The following CCSER2 variants were observed in gnomAD, a reference collection of about 807,000 sequenced individuals.
CCSER2 encodes serine-rich coiled-coil domain-containing protein 2.
Under a neutral mutation model 92.3 loss-of-function variants are expected in CCSER2, and 46 were observed. That is an observed-to-expected ratio of 0.50 (90% confidence interval 0.39 to 0.64). CCSER2 has a LOEUF of 0.64. Among genes scored for constraint, CCSER2 ranks in the 30% least tolerant of loss-of-function variants. The pLI is 0.00. For synonymous variants in CCSER2, 433 were observed against 431.4 expected, an observed-to-expected ratio of 1.00 and a Z score of -0.04; for missense variants, 1,244 against 1,238.9, an observed-to-expected ratio of 1.00 and a Z score of -0.06.
chr10:84,468,132 C>T (rs1387115880), intron 7 of CCSER2, among the ~76,000 whole-genome samples: 2 of 152,170 alleles, frequency 1.3e-5, no homozygotes, highest in Non-Finnish European at 2.9e-5. Flanking sequence ...AACAGCGACA[C>T]TGCTTATACT....
chr10:84,428,581 C>T lies in CCSER2; in HGVS notation c.1868+2688C>T, dbSNP rs888559063. ...GCAAATAGTTTTTACCTTTTCCTTT[C>T]CATTTTGGATAAAAATGTCTTTTTA... On this transcript the variant is annotated intron_variant, in intron 5 of 9. Coordinates refer to ENST00000372088, the MANE Select transcript of CCSER2 (RefSeq NM_001284240.2). Among the ~76,000 whole-genome samples, 3 of 152,110 alleles carry T rather than the reference C, an allele frequency of 2.0e-5. No homozygotes were observed. In the South Asian group the frequency reaches 6.2e-4, roughly 31 times the overall value.
At chr10:84,429,270 C>T (rs1445526076) in intron 5 of CCSER2, among the ~76,000 whole-genome samples, 3 of 151,912 alleles carry the variant, frequency 2.0e-5, no homozygotes, top group Non-Finnish European at 4.4e-5. Flanking sequence ...TATAGATATT[C>T]TGTAGATGTC....
intron 5 of CCSER2, among the ~76,000 whole-genome samples, chr10:84,435,638 C>CAAAAAAAAAA (rs5786657): frequency 9.4e-6 from 1 of 106,838 alleles, no homozygotes; most frequent in Non-Finnish European, 1.9e-5. Flanking sequence ...CCATTCAGTG[C>CAAAAAAAAAA]AAAAAAAAAA....
At chr10:84,406,591 G>T (rs919193035) in intron 3 of CCSER2, among the ~76,000 whole-genome samples, 3 of 152,116 alleles carry the variant, frequency 2.0e-5, no homozygotes, top group African/African-American at 7.2e-5. Context: ...TTTAATTCCA[G>T]TCAGTCTTAC....
At chr10:84,443,763 C>T (rs1844731928) in intron 6 of CCSER2, among the ~76,000 whole-genome samples, 1 of 152,092 alleles carries the variant, frequency 6.6e-6, no homozygotes, top group Non-Finnish European at 1.5e-5. Context: ...CAATGATAGA[C>T]TGGATAAAGA....
In CCSER2 at chr10:84,514,041, A is replaced by G; in HGVS notation, c.2918A>G (p.Asn973Ser). The G allele has an allele frequency of 6.5e-7, 1 of 1,536,586 alleles. No individual in the cohort carries two copies. Among genetic ancestry groups the G allele is most frequent in the Non-Finnish European group, 8.7e-7 (1 of 1,147,020 alleles). Reference protein sequence around the residue: ...PTSSQTNLANNQNLKASKLRP... With the variant: ...PTSSQTNLANSQNLKASKLRP... The stretch of plus-strand genomic sequence containing the variant: ...TCTAGTCAAACAAATCTTGCAAATA[A>G]TCAGAATCTGAAAGCATCTAAGCTC... Residue 973 changes from asparagine (N) to serine (S), a missense_variant, in exon 10 of 10, where the codon AAT becomes AGT. Physicochemically the swap from Asn to Ser is conservative, Grantham distance 46. Coordinates refer to ENST00000372088, the MANE Select transcript of CCSER2 (RefSeq NM_001284240.2).
At chr10:84,329,707 C>T (rs906765605) in intron 1 of CCSER2, among the ~76,000 whole-genome samples, 22 of 152,172 alleles carry the variant, frequency 1.4e-4, no homozygotes, top group Admixed American at 7.2e-4. Flanking sequence ...TGCTCTTTAA[C>T]CAAAAGGAAC....
At chr10:84,395,665 A>T (rs1841787453) in intron 3 of CCSER2, among the ~76,000 whole-genome samples, 1 of 152,206 alleles carries the variant, frequency 6.6e-6, no homozygotes, top group African/African-American at 2.4e-5. Flanking sequence ...GGAGACACAG[A>T]TAGGAAAGTT....
intron 9 of CCSER2, among the ~76,000 whole-genome samples, chr10:84,495,800 C>G (rs1374822636): frequency 7.0e-6 from 1 of 143,228 alleles, no homozygotes; most frequent in Admixed American, 6.9e-5. Context: ...CGTGGTATAT[C>G]GTTTTCATCT....
intron 9 of CCSER2, among the ~76,000 whole-genome samples, chr10:84,484,647 A>T (rs560440628): frequency 2.6e-5 from 4 of 152,270 alleles, no homozygotes; most frequent in African/African-American, 9.6e-5. Context: ...GATATTTATG[A>T]TCTGGTCATA....
intron 9 of CCSER2, among the ~76,000 whole-genome samples, chr10:84,505,685 A>G (rs1849004832): frequency 6.6e-6 from 1 of 152,086 alleles, no homozygotes; most frequent in Non-Finnish European, 1.5e-5. Context: ...ACCTTTTCGC[A>G]GCCAATTTCA....
At chr10:84,406,687 T>C (rs980218280) in intron 3 of CCSER2, among the ~76,000 whole-genome samples, 1 of 152,212 alleles carries the variant, frequency 6.6e-6, no homozygotes, top group Non-Finnish European at 1.5e-5. Context: ...AATGGTCTAC[T>C]AAGGAAAACA....
At chr10:84,375,675 T>A (rs190687960) in intron 3 of CCSER2, among the ~76,000 whole-genome samples, 1 of 151,662 alleles carries the variant, frequency 6.6e-6, no homozygotes, top group Admixed American at 6.6e-5. Context: ...ATATTTTCTC[T>A]TCTTTTACTA....
intron 9 of CCSER2, among the ~76,000 whole-genome samples, chr10:84,478,017 ACTTTGAAAATATATGATTTAGCATATTC>A (rs1332351961): frequency 6.6e-6 from 1 of 152,218 alleles, no homozygotes; most frequent in East Asian, 1.9e-4. Context: ...AGCATATGAC[ACTTTGAAAATATATGATTTAGCATATTC>A]CTTTTTTGTT....
At chr10:84,369,174 T>C (rs1256853477) in intron 1 of CCSER2, among the ~76,000 whole-genome samples, 2 of 151,978 alleles carry the variant, frequency 1.3e-5, no homozygotes, top group Non-Finnish European at 2.9e-5. Context: ...AGTTTTCCTT[T>C]GGGTAGATAC....
intron 6 of CCSER2, among the ~76,000 whole-genome samples, chr10:84,447,155 T>A (rs1844974571): frequency 6.6e-6 from 1 of 152,206 alleles, no homozygotes; most frequent in East Asian, 1.9e-4. Flanking sequence ...TGGAAATAGT[T>A]TACCCTAGAA....
At chr10:84,443,325 G>A (rs1844693248) in intron 6 of CCSER2, among the ~76,000 whole-genome samples, 1 of 152,078 alleles carries the variant, frequency 6.6e-6, no homozygotes, top group South Asian at 2.1e-4. Context: ...CCATCAAAAA[G>A]TGGGCAAAGG....
intron 1 of CCSER2, among the ~76,000 whole-genome samples, chr10:84,363,002 A>ATT (rs1845585577): frequency 7.1e-6 from 1 of 141,356 alleles, no homozygotes; most frequent in Non-Finnish European, 1.6e-5. Flanking sequence ...ACGCCCAGCT[A>ATT]ATTTTTTTTT....
At chr10:84,394,500 G>GT (rs1253168333) in intron 3 of CCSER2, among the ~76,000 whole-genome samples, 4 of 151,446 alleles carry the variant, frequency 2.6e-5, no homozygotes, top group Non-Finnish European at 2.9e-5. Flanking sequence ...AGTTTTACCA[G>GT]TTGGCCAAGG....
Sources: gnomAD v4.1 joint callset for allele counts (sites outside exome capture counted in the v4.1 genomes callset) on GRCh38, gnomAD v4.1.1 for gene constraint, MANE v1.5 for transcripts, NCBI Gene and HGNC (gene_info 2026-07-23, HGNC 2026-07-21) for gene names.